CNTNAP2: variants seen among roughly 807,000 people sequenced by gnomAD.
The protein encoded by CNTNAP2 is contactin-associated protein-like 2.
A neutral mutation model predicts 155.2 loss-of-function variants in CNTNAP2; 98 were observed. That is an observed-to-expected ratio of 0.63 (90% CI 0.54 to 0.75). CNTNAP2 has a LOEUF of 0.75. CNTNAP2 is among the 30% of genes least tolerant of loss of function. The pLI is 0.00. For missense variants in CNTNAP2, 1,727 were observed against 1,688.1 expected (o/e 1.02, Z -0.40); for synonymous variants, 651 against 631.2 (o/e 1.03, Z -0.47).
chr7:146,780,295 C>G (rs1378040039), intron 2 of CNTNAP2, among the ~76,000 whole-genome samples: 4 of 152,026 alleles, frequency 2.6e-5, no homozygotes, highest in Admixed American at 2.6e-4. Flanking sequence ...ATGCCATTCT[C>G]CCCCTTCAGC....
At chr7:147,239,965 T>C (rs1803901341) in intron 8 of CNTNAP2, among the ~76,000 whole-genome samples, 1 of 152,212 alleles carries the variant, frequency 6.6e-6, no homozygotes, top group African/African-American at 2.4e-5. Flanking sequence ...GGATGAATTA[T>C]ACAGCAGTGA....
chr7:148,129,929 A>G (rs982050614), intron 16 of CNTNAP2, among the ~76,000 whole-genome samples: 14 of 152,236 alleles, frequency 9.2e-5, no homozygotes, highest in Admixed American at 7.8e-4. Flanking sequence ...ATGTGCCACA[A>G]TAAAACACAT....
At chr7:148,166,643 C>T (rs1416955288) in intron 17 of CNTNAP2, among the ~76,000 whole-genome samples, 1 of 152,092 alleles carries the variant, frequency 6.6e-6, no homozygotes, top group Non-Finnish European at 1.5e-5. Flanking sequence ...AATTGCAATA[C>T]TTGCAAAGCA....
intron 13 of CNTNAP2, among the ~76,000 whole-genome samples, chr7:147,857,525 A>G (rs1799060093): frequency 6.6e-6 from 1 of 152,222 alleles, no homozygotes; most frequent in South Asian, 2.1e-4. Flanking sequence ...TCATCAAAAT[A>G]AACCTGATAA....
intron 1 of CNTNAP2, among the ~76,000 whole-genome samples, chr7:146,556,361 C>T (rs945728485): frequency 6.6e-6 from 1 of 152,120 alleles, no homozygotes; most frequent in African/African-American, 2.4e-5. Context: ...GGATGAATTG[C>T]TTAATCTCAC....
At chr7:148,323,852 A>T (rs926218842) in intron 21 of CNTNAP2, among the ~76,000 whole-genome samples, 2 of 151,040 alleles carry the variant, frequency 1.3e-5, no homozygotes, top group African/African-American at 4.9e-5. Flanking sequence ...CTGTTTCTCA[A>T]ACTGAGTGAG....
intron 1 of CNTNAP2, among the ~76,000 whole-genome samples, chr7:146,215,869 T>C (rs1412355621): frequency 6.6e-6 from 1 of 152,200 alleles, no homozygotes; most frequent in African/African-American, 2.4e-5. Context: ...AATAATATTT[T>C]ACCTTCCCAT....
intron 13 of CNTNAP2, among the ~76,000 whole-genome samples, chr7:147,689,537 G>A (rs965107483): frequency 6.6e-6 from 1 of 152,016 alleles, no homozygotes; most frequent in Non-Finnish European, 1.5e-5. Context: ...ACATTTGTCC[G>A]ATTTCTTTCT....
At chr7:147,033,160 G>GTATATATATATATATATATATA (rs3081742) in intron 3 of CNTNAP2, among the ~76,000 whole-genome samples, 7 of 90,856 alleles carry the variant, frequency 7.7e-5, no homozygotes, top group African/African-American at 1.2e-4. Flanking sequence ...ATATATATAT[G>GTATATATATATATATATATATA]TATATATATA....
chr7:146,233,339 G>A lies in CNTNAP2; in HGVS notation c.97+116366G>A, dbSNP rs554904135. Among the ~76,000 whole-genome samples, 9 of 152,170 alleles carry A rather than the reference G, an allele frequency of 5.9e-5. No individual in the cohort carries two copies. In the South Asian group the frequency reaches 1.9e-3, roughly 32 times the overall value. ...TGACTATTTACCTCATAAGCAACTT[G>A]AATTTTCATAGTATAATTAGCCAGT... On this transcript the variant is annotated intron_variant, in intron 1 of 23. Coordinates refer to ENST00000361727, the MANE Select transcript of CNTNAP2 (RefSeq NM_014141.6).
intron 1 of CNTNAP2, among the ~76,000 whole-genome samples, chr7:146,121,021 G>A (rs558930059): frequency 2.7e-5 from 4 of 148,592 alleles, no homozygotes; most frequent in East Asian, 4.1e-4. Flanking sequence ...AACCTTTCAA[G>A]TTCTATAATT....
At chr7:146,533,821 G>A (rs1304469143) in intron 1 of CNTNAP2, among the ~76,000 whole-genome samples, 2 of 151,772 alleles carry the variant, frequency 1.3e-5, no homozygotes, top group African/African-American at 4.8e-5. Flanking sequence ...AGTTTTGTTT[G>A]CTCTCTCTCT....
At chr7:146,423,574 A>C (rs1796044975) in intron 1 of CNTNAP2, among the ~76,000 whole-genome samples, 1 of 152,210 alleles carries the variant, frequency 6.6e-6, no homozygotes, top group Non-Finnish European at 1.5e-5. Flanking sequence ...TTTAGCAGCC[A>C]CCTGCTTTTC....
chr7:146,591,138 T>A (rs1422559375), intron 1 of CNTNAP2, among the ~76,000 whole-genome samples: 1 of 152,148 alleles, frequency 6.6e-6, no homozygotes, highest in Non-Finnish European at 1.5e-5. Flanking sequence ...ATTTAAAGTG[T>A]TACATAAAAT....
intron 1 of CNTNAP2, among the ~76,000 whole-genome samples, chr7:146,430,642 T>C (rs1229277419): frequency 2.0e-5 from 3 of 152,008 alleles, no homozygotes; most frequent in Non-Finnish European, 4.4e-5. Context: ...CAAGATACTT[T>C]TACACCTAAA....
chr7:146,388,824 T>C (rs370639133), intron 1 of CNTNAP2, among the ~76,000 whole-genome samples: 2 of 152,186 alleles, frequency 1.3e-5, no homozygotes, highest in Non-Finnish European at 2.9e-5. Context: ...TCAATTGTTT[T>C]GATTTTTAGA....
rs1795435633 is a variant in CNTNAP2 at position 148,205,491 on chromosome 7, A to G, written c.3011-11797A>G. On this transcript the variant is annotated intron_variant, in intron 18 of 23. Transcript: ENST00000361727. Reference sequence around the variant, plus strand: ...CCTCTGCACAACTATGTTGCAGTTTACTAAACCAGTATAAAGGAGAAAAAA... The same window carrying G: ...CCTCTGCACAACTATGTTGCAGTTTGCTAAACCAGTATAAAGGAGAAAAAA... Among the ~76,000 whole-genome samples the G allele has an allele frequency of 2.0e-5, 3 of 152,252 alleles. No individual in the cohort carries two copies. The South Asian group carries it at 6.2e-4, about 32-fold the overall frequency.
chr7:146,477,624 A>AACAC (rs1162610079), intron 1 of CNTNAP2, among the ~76,000 whole-genome samples: 1,523 of 131,686 alleles, frequency 0.012, 23 homozygotes, highest in South Asian at 0.041. Flanking sequence ...TTCTTCAGCA[A>AACAC]ACACACACAC....
intron 13 of CNTNAP2, among the ~76,000 whole-genome samples, chr7:147,645,558 A>G (rs1431879776): frequency 6.6e-6 from 1 of 152,226 alleles, no homozygotes; most frequent in Admixed American, 6.5e-5. Context: ...ATACTCAGAC[A>G]ACTAGCATCT....
Sources: gnomAD v4.1 joint callset for allele counts (sites outside exome capture counted in the v4.1 genomes callset) on GRCh38, gnomAD v4.1.1 for gene constraint, MANE v1.5 for transcripts, NCBI Gene and HGNC (gene_info 2026-07-23, HGNC 2026-07-21) for gene names.